Variants in LRP1B observed in about 807,000 individuals in gnomAD.
LRP1B encodes LDL receptor related protein 1B.
Under a neutral mutation model 556.6 loss-of-function variants are expected in LRP1B, and 217 were observed. The observed-to-expected ratio is 0.39, with a 90% confidence interval of 0.35 to 0.44. The LOEUF (loss-of-function observed/expected upper bound fraction) is 0.44. Among genes scored for constraint, LRP1B ranks in the 20% least tolerant of loss-of-function variants. The pLI, the probability that LRP1B is intolerant of heterozygous loss-of-function variation, is 1.00. For synonymous variants in LRP1B, 2,047 were observed against 1,865.8 expected (o/e 1.10, Z -2.50); for missense variants, 5,053 against 5,620.8 (o/e 0.90, Z 3.23).
At chr2:140,975,787 T>A (rs1696579080) in intron 18 of LRP1B, among the ~76,000 whole-genome samples, 2 of 152,208 alleles carry the variant, frequency 1.3e-5, no homozygotes, top group African/African-American at 4.8e-5. Context: ...AAAAATATTA[T>A]ACTTAATCAG....
At chr2:140,996,580 G>C (rs975375497) in intron 15 of LRP1B, among the ~76,000 whole-genome samples, 35 of 151,982 alleles carry the variant, frequency 2.3e-4, no homozygotes, top group African/African-American at 8.4e-4. Flanking sequence ...ATAGGGTGTA[G>C]AGTTTATGCT....
At chr2:140,666,003 T>G (rs527631007) in intron 41 of LRP1B, among the ~76,000 whole-genome samples, 2,056 of 151,582 alleles carry the variant, frequency 0.014, 40 homozygotes, top group Admixed American at 0.046. Flanking sequence ...AATTTTTTTT[T>G]TTTTTCCTGA....
At chr2:140,586,463 A>C (rs958138974) in intron 43 of LRP1B, among the ~76,000 whole-genome samples, 1 of 152,226 alleles carries the variant, frequency 6.6e-6, no homozygotes, top group African/African-American at 2.4e-5. Context: ...ACACCAGCAA[A>C]GGCCAAGTGG....
intron 2 of LRP1B, among the ~76,000 whole-genome samples, chr2:141,589,576 A>G (rs1011282446): frequency 6.6e-6 from 1 of 152,230 alleles, no homozygotes; most frequent in Non-Finnish European, 1.5e-5. Context: ...TTGGTAACCA[A>G]ATAACACACT....
At chr2:141,724,164 T>G (rs1692944184) in intron 2 of LRP1B, among the ~76,000 whole-genome samples, 1 of 151,956 alleles carries the variant, frequency 6.6e-6, no homozygotes, top group South Asian at 2.1e-4. Context: ...TGAGATTTGT[T>G]TATGAAATTA....
intron 31 of LRP1B, among the ~76,000 whole-genome samples, chr2:140,837,534 A>T (rs1691949467): frequency 6.6e-6 from 1 of 152,308 alleles, no homozygotes; most frequent in East Asian, 1.9e-4. Flanking sequence ...TTTTTTAAAA[A>T]TTTTCAAATA....
intron 41 of LRP1B, among the ~76,000 whole-genome samples, chr2:140,656,799 T>C (rs1399120369): frequency 6.6e-6 from 1 of 152,084 alleles, no homozygotes; most frequent in Non-Finnish European, 1.5e-5. Flanking sequence ...GACTAAAGGT[T>C]GGAGAAGCAG....
At chr2:140,495,847 T>G in intron 55 of LRP1B, 99 bp from the exon 56 acceptor site, 2 of 894,860 alleles carry the variant, frequency 2.2e-6, no homozygotes, top group Non-Finnish European at 3.3e-6. Context: ...CATTTGAAAA[T>G]AGATAAAGGC....
chr2:141,149,645 C>A (rs1701871469), intron 7 of LRP1B, among the ~76,000 whole-genome samples: 1 of 152,062 alleles, frequency 6.6e-6, no homozygotes, highest in South Asian at 2.1e-4. Flanking sequence ...CCCAAACTAC[C>A]AAGGAAGAAG....
chr2:140,572,172 C>T (rs938771268), intron 43 of LRP1B, among the ~76,000 whole-genome samples: 3 of 151,406 alleles, frequency 2.0e-5, no homozygotes, highest in Non-Finnish European at 3.0e-5. Flanking sequence ...AAAGCTTCTG[C>T]ACAGCAAAGA....
intron 2 of LRP1B, among the ~76,000 whole-genome samples, chr2:141,615,357 C>T (rs563104247): frequency 1.3e-5 from 2 of 152,210 alleles, no homozygotes; most frequent in East Asian, 3.9e-4. Flanking sequence ...TTGTATATGT[C>T]CTTCTCTCTA....
intron 7 of LRP1B, among the ~76,000 whole-genome samples, chr2:141,078,952 G>A (rs1474333108): frequency 2.0e-5 from 3 of 152,150 alleles, no homozygotes; most frequent in African/African-American, 7.2e-5. Flanking sequence ...GACCTAGGGA[G>A]ATAAAGTGCT....
intron 21 of LRP1B, 41 bp downstream of exon 21, chr2:140,922,924 T>G: frequency 6.3e-7 from 1 of 1,576,822 alleles, no homozygotes; most frequent in South Asian, 1.1e-5. Context: ...GACTCCACAC[T>G]CAGGGAGACC....
intron 79 of LRP1B, among the ~76,000 whole-genome samples, chr2:140,329,893 C>CA (rs1680706089): frequency 7.0e-6 from 1 of 143,856 alleles, no homozygotes; most frequent in East Asian, 2.0e-4. Context: ...GAAAAAAAAA[C>CA]AAAAACAAAA....
chr2:141,081,331 C>A (rs1699917123), intron 7 of LRP1B, among the ~76,000 whole-genome samples: 1 of 152,054 alleles, frequency 6.6e-6, no homozygotes, highest in Non-Finnish European at 1.5e-5. Flanking sequence ...CACTTCTGAG[C>A]CCCAGATTTT....
rs1465110636 is a variant in LRP1B at position 140,231,993 on chromosome 2, T to C, written c.*1193A>G. 1 of 151,608 alleles carries C rather than the reference T, an allele frequency of 6.6e-6. No individual in the cohort carries two copies. Among genetic ancestry groups the C allele is most frequent in the African/African-American group, 2.4e-5 (1 of 41,322 alleles). 9.4% of individuals were successfully genotyped at this position (151,608 alleles called of 1,614,324 possible). On this transcript the variant is annotated 3_prime_UTR_variant, in exon 91 of 91. Transcript: ENST00000389484. ...ACAAACCAAACGTGAATGGGGTCCA[T>C]GCGTTCTGTAAAACCCAGAGAAACC... is the stretch of plus-strand genomic sequence containing the variant.
intron 23 of LRP1B, among the ~76,000 whole-genome samples, chr2:140,901,191 T>G (rs1694095427): frequency 6.6e-6 from 1 of 151,412 alleles, no homozygotes; most frequent in East Asian, 1.9e-4. Context: ...AACAATCGAT[T>G]GGACAGGTGG....
chr2:141,229,810 T>C (rs941439404), intron 5 of LRP1B, among the ~76,000 whole-genome samples: 1 of 152,118 alleles, frequency 6.6e-6, no homozygotes, highest in Non-Finnish European at 1.5e-5. Flanking sequence ...ACGAGCAAGG[T>C]AATGTTTTTT....
chr2:141,830,775 G>C (rs1255493136), intron 1 of LRP1B, among the ~76,000 whole-genome samples: 1 of 151,754 alleles, frequency 6.6e-6, no homozygotes, highest in Non-Finnish European at 1.5e-5. Context: ...AAAGTTTGGT[G>C]TAACTGAAAA....
Sources: allele counts gnomAD v4.1 joint callset (sites outside exome capture counted in the v4.1 genomes callset), GRCh38; gene constraint gnomAD v4.1.1; transcripts MANE v1.5; gene names NCBI Gene and HGNC (gene_info 2026-07-23, HGNC 2026-07-21).